TTLL11: variants seen among roughly 807,000 people sequenced by gnomAD.
TTLL11 encodes the protein tubulin tyrosine ligase like 11, also known as tubulin polyglutamylase TTLL11.
In TTLL11, 42 loss-of-function variants were observed where a neutral mutation model predicts 51.7. That is an observed-to-expected ratio of 0.81 (90% confidence interval 0.64 to 1.05). The LOEUF (loss-of-function observed/expected upper bound fraction) is 1.05, where lower values mean the gene tolerates loss of function less well. TTLL11 is among the 50% of genes least tolerant of loss of function. The probability of loss-of-function intolerance (pLI) is 0.00; values close to 1 mark genes in which losing one functional copy is unlikely to be tolerated. For missense variants in TTLL11, 799 were observed against 940.4 expected (o/e 0.85, Z 1.97); for synonymous variants, 381 against 383.5 (o/e 0.99, Z 0.08).
At chr9:122,028,212 A>C (rs1588217523) in intron 3 of TTLL11, among the ~76,000 whole-genome samples, 1 of 152,212 alleles carries the variant, frequency 6.6e-6, no homozygotes, top group African/African-American at 2.4e-5. Flanking sequence ...GAATAAATAG[A>C]AAAGAAATAG....
At chr9:121,910,442 G>A (rs758058390) in intron 6 of TTLL11, among the ~76,000 whole-genome samples, 6 of 152,188 alleles carry the variant, frequency 3.9e-5, no homozygotes, top group Admixed American at 6.5e-5. Flanking sequence ...AAATGTCCCC[G>A]TATTTTGTGA....
At chr9:121,835,902 G>A (rs1473968290) in intron 8 of TTLL11, among the ~76,000 whole-genome samples, 1 of 152,162 alleles carries the variant, frequency 6.6e-6, no homozygotes, top group African/African-American at 2.4e-5. Context: ...TAGAACCTTT[G>A]GAGGCTCAGG....
chr9:122,090,919 A>G (rs1846245014), intron 1 of TTLL11, among the ~76,000 whole-genome samples: 1 of 152,204 alleles, frequency 6.6e-6, no homozygotes, highest in African/African-American at 2.4e-5. Flanking sequence ...TTCAGGATGC[A>G]GCAGCAATGT....
intron 6 of TTLL11, among the ~76,000 whole-genome samples, chr9:121,950,909 C>T (rs1841833823): frequency 6.6e-6 from 1 of 152,102 alleles, no homozygotes; most frequent in Non-Finnish European, 1.5e-5. Flanking sequence ...AAATTAAACC[C>T]GAAAGCGCTT....
intron 6 of TTLL11, among the ~76,000 whole-genome samples, chr9:121,904,468 C>T (rs142885818): frequency 1.4e-4 from 21 of 152,378 alleles, no homozygotes; most frequent in African/African-American, 5.0e-4. Context: ...AGCCACCACG[C>T]CCAGCCCAAT....
intron 6 of TTLL11, among the ~76,000 whole-genome samples, chr9:121,951,006 C>G (rs552812549): frequency 6.6e-6 from 1 of 152,166 alleles, no homozygotes; most frequent in Non-Finnish European, 1.5e-5. Context: ...GCCCCCTGCT[C>G]CATCTTCTTT....
intron 6 of TTLL11, among the ~76,000 whole-genome samples, chr9:121,941,228 A>T (rs1403175513): frequency 6.6e-6 from 1 of 152,210 alleles, no homozygotes; most frequent in Non-Finnish European, 1.5e-5. Context: ...TTCATCACCA[A>T]AGTGAGCCCT....
At chr9:122,052,832 C>T (rs1845197589) in intron 1 of TTLL11, among the ~76,000 whole-genome samples, 1 of 152,166 alleles carries the variant, frequency 6.6e-6, no homozygotes, top group South Asian at 2.1e-4. Flanking sequence ...GGATTCAAAT[C>T]TCAGCCCTGC....
In TTLL11 at chr9:121,820,076, C is replaced by G. The variant is rs775665750; in HGVS notation, c.*2511G>C. On this transcript the variant is annotated 3_prime_UTR_variant, in exon 9 of 9. Transcript: ENST00000321582. ...TGTCTGCAGAGGAGGGGGCTGCTCC[C>G]GGGACAGAGGGGCCATGGTGGGCGG... 6.6e-6 allele frequency among the ~76,000 whole-genome samples: 1 copy of G among 152,156 alleles called. No individual in the cohort carries two copies. The highest frequency in any genetic ancestry group is 2.4e-5 in the African/African-American group (1 of 41,426).
intron 8 of TTLL11, among the ~76,000 whole-genome samples, chr9:121,829,774 T>TACACACACAC (rs10536790): frequency 1.5e-4 from 21 of 144,082 alleles, no homozygotes; most frequent in African/African-American, 4.9e-4. Flanking sequence ...ATAATTCAAG[T>TACACACACAC]ACACACACAC....
In TTLL11 at chr9:121,949,077, ACT is replaced by A. The variant is rs1422845298; in HGVS notation, c.1481+24930_1481+24931del. On this transcript the variant is annotated intron_variant, in intron 6 of 8. Coordinates refer to ENST00000321582, the MANE Select transcript of TTLL11 (RefSeq NM_001139442.2). ...TCACCATTGCAATCCTGAGTCAGAC[ACT>A]CTGCCACTCACTCTTGTGAGATGGG... 1.2e-4 allele frequency among the ~76,000 whole-genome samples: 18 copies of A among 151,936 alleles called. No homozygotes were observed. The East Asian group carries it at 3.5e-3, about 30-fold the overall frequency.
chr9:121,947,612 T>A (rs957333267), intron 6 of TTLL11, among the ~76,000 whole-genome samples: 2 of 152,060 alleles, frequency 1.3e-5, no homozygotes, highest in African/African-American at 4.8e-5. Flanking sequence ...TAGAACAAGG[T>A]CCCTGGAAGT....
chr9:122,029,758 AG>A (rs1844471352), intron 3 of TTLL11, among the ~76,000 whole-genome samples: 1 of 152,218 alleles, frequency 6.6e-6, no homozygotes, highest in African/African-American at 2.4e-5. Flanking sequence ...TGAAGTCTGC[AG>A]TAGTATAATG....
rs1465376759 is a variant in TTLL11 at position 121,899,402 on chromosome 9, T to TATATATATATATATATAC, written c.1482-28655_1482-28654insGTATATATATATATATAT. 7.5e-4 allele frequency among the ~76,000 whole-genome samples: 62 copies of TATATATATATATATATAC among 82,742 alleles called. 1 individual carries two copies. The highest frequency in any genetic ancestry group is 8.8e-3 in the Middle Eastern group (1 of 114). 54.3% of individuals were successfully genotyped at this position (82,742 alleles called of 152,430 possible). The stretch of plus-strand genomic sequence containing the variant: ...ACATATATATATATATATATATATA[T>TATATATATATATATATAC]ACACACACACACACATTTAGAGACA... On this transcript the variant is annotated intron_variant, in intron 6 of 8. Transcript: ENST00000321582.
chr9:121,869,965 C>T (rs1218733474), intron 7 of TTLL11, among the ~76,000 whole-genome samples: 2 of 152,198 alleles, frequency 1.3e-5, no homozygotes, highest in African/African-American at 4.8e-5. Flanking sequence ...TTATCTCATG[C>T]TTTATCTTGA....
intron 6 of TTLL11, among the ~76,000 whole-genome samples, chr9:121,905,388 G>A (rs561843485): frequency 1.3e-5 from 2 of 148,338 alleles, no homozygotes; most frequent in Admixed American, 6.7e-5. Context: ...GTCTTGCTTC[G>A]TCACCCAGGC....
intron 6 of TTLL11, among the ~76,000 whole-genome samples, chr9:121,933,941 T>C (rs1277139954): frequency 1.3e-5 from 2 of 152,144 alleles, no homozygotes; most frequent in Non-Finnish European, 2.9e-5. Context: ...TTTAAATCCA[T>C]TGGTCCAGCC....
Position 121,995,709 on chromosome 9 carries a change from T to C in TTLL11, c.694-5939A>G, listed in dbSNP as rs1268585156. Reference sequence around the variant, plus strand: ...AGAGCTAATTTAGGACTTTATAATATCCCGCAAGCCCTCTACTGTTCATCG... The same window carrying C: ...AGAGCTAATTTAGGACTTTATAATACCCCGCAAGCCCTCTACTGTTCATCG... On this transcript the variant is annotated intron_variant, in intron 3 of 8. Transcript: ENST00000321582. The surrounding 1 kb of genome is among the most constrained non-coding windows in gnomAD (Gnocchi z 4.4). Among the ~76,000 whole-genome samples the C allele has an allele frequency of 1.3e-5, 2 of 152,256 alleles. No individual in the cohort carries two copies. The highest frequency in any genetic ancestry group is 6.5e-5 in the Admixed American group (1 of 15,300).
intron 3 of TTLL11, among the ~76,000 whole-genome samples, chr9:121,992,432 C>T (rs1445483453): frequency 6.6e-6 from 1 of 152,204 alleles, no homozygotes; most frequent in Non-Finnish European, 1.5e-5. Flanking sequence ...TGGGCCCCAG[C>T]CTCAGCAATT....
Sources: allele counts gnomAD v4.1 joint callset (sites outside exome capture counted in the v4.1 genomes callset), GRCh38; gene constraint gnomAD v4.1.1; non-coding constraint Gnocchi (gnomAD v3.1); transcripts MANE v1.5; gene names NCBI Gene and HGNC (gene_info 2026-07-23, HGNC 2026-07-21).